SPRING1: variants seen among roughly 807,000 people sequenced by gnomAD.
SPRING1 encodes SREBP regulating gene protein.
Under a neutral mutation model 24.7 loss-of-function variants are expected in SPRING1, and 14 were observed. The ratio of observed to expected loss-of-function variants is 0.57; its 90% CI spans 0.37 to 0.88. The LOEUF (loss-of-function observed/expected upper bound fraction) is 0.88, where lower values mean the gene tolerates loss of function less well. SPRING1 is among the 40% of genes least tolerant of loss of function. The pLI is 0.00. For missense variants in SPRING1, 255 were observed against 268.4 expected, an observed-to-expected ratio of 0.95 and a Z score of 0.35; for synonymous variants, 93 against 106.1, an observed-to-expected ratio of 0.88 and a Z score of 0.76.
At chr12:116,735,629 G>A (rs1237930922) in intron 1 of SPRING1, among the ~76,000 whole-genome samples, 2 of 150,870 alleles carry the variant, frequency 1.3e-5, no homozygotes, top group Non-Finnish European at 3.0e-5. Flanking sequence ...CTACTCAGGA[G>A]GCTAAGGCAG....
chr12:116,737,624 G>A (rs1369470472), intron 1 of SPRING1, among the ~76,000 whole-genome samples, 166 bp downstream of exon 1: 1 of 148,192 alleles, frequency 6.7e-6, no homozygotes, highest in African/African-American at 2.5e-5. Context: ...AAGAAGGGAA[G>A]GAAGGAGGAA....
intron 1 of SPRING1, 90 bp downstream of exon 1, chr12:116,737,700 G>A (rs1023070197): frequency 1.5e-5 from 20 of 1,325,012 alleles, no homozygotes; most frequent in East Asian, 3.2e-5. Context: ...AAAAAAGGAG[G>A]AAGGTAACGA....
In SPRING1 at chr12:116,716,531, T is replaced by C. The variant is rs951705585; in HGVS notation, c.*1279A>G. The C allele has an allele frequency of 6.5e-6, 1 of 152,680 alleles. No homozygotes were observed. Among genetic ancestry groups the C allele is most frequent in the African/African-American group, 2.4e-5 (1 of 41,468 alleles). 9.5% of individuals were successfully genotyped at this position (152,680 alleles called of 1,614,324 possible). ...GAGCAGTACTATTCGAAGGGCATGA[T>C]GTCTTGATCTTAGGATCAAATATTC... On this transcript the variant is annotated 3_prime_UTR_variant, in exon 5 of 5. Transcript: ENST00000261318.
intron 1 of SPRING1, among the ~76,000 whole-genome samples, chr12:116,735,318 G>A (rs1242508685): frequency 6.6e-6 from 1 of 152,192 alleles, no homozygotes; most frequent in African/African-American, 2.4e-5. Context: ...GAGAAATGGA[G>A]AGTTATTGTT....
intron 1 of SPRING1, among the ~76,000 whole-genome samples, chr12:116,729,809 GA>G (rs1391624290): frequency 1.3e-5 from 2 of 152,242 alleles, no homozygotes; most frequent in East Asian, 3.8e-4. Flanking sequence ...GCTTAGGACT[GA>G]GGGGCAGGGG....
chr12:116,726,350 G>C (rs1362728513), intron 1 of SPRING1, among the ~76,000 whole-genome samples: 4 of 152,184 alleles, frequency 2.6e-5, no homozygotes, highest in Non-Finnish European at 5.9e-5. Flanking sequence ...ACCTGTAATA[G>C]TACCAGCATT....
chr12:116,723,928 G>A (rs914537894), intron 1 of SPRING1, among the ~76,000 whole-genome samples: 3 of 152,030 alleles, frequency 2.0e-5, no homozygotes, highest in African/African-American at 4.8e-5. Context: ...AGCTATGTCC[G>A]CTAGGAGCCA....
At chr12:116,725,488 T>C (rs339449) in intron 1 of SPRING1, among the ~76,000 whole-genome samples, 134,772 of 152,226 alleles carry the variant, frequency 0.89, 59,866 homozygotes, top group East Asian at 0.99. Context: ...CTTTAATCAT[T>C]TTGGGAATAT....
intron 1 of SPRING1, among the ~76,000 whole-genome samples, chr12:116,726,933 G>C (rs1346143178): frequency 1.3e-5 from 2 of 152,186 alleles, no homozygotes; most frequent in African/African-American, 4.8e-5. Context: ...AATTCTCCCA[G>C]CACTTCAATG....
chr12:116,725,656 C>T (rs1005942022), intron 1 of SPRING1, among the ~76,000 whole-genome samples: 4 of 152,138 alleles, frequency 2.6e-5, no homozygotes, highest in East Asian at 1.9e-4. Flanking sequence ...GAGGCCAAGG[C>T]GGGCGGATCA....
rs1870186663 is a variant in SPRING1, at chr12:116,717,286, G to A, written c.*524C>T. The stretch of plus-strand genomic sequence containing the variant: ...AAAGAGAAAATGTTGTATCTGGGTG[G>A]AAGAATGATTTAACTCCTGAAACTC... On this transcript the variant is annotated 3_prime_UTR_variant, in exon 5 of 5. Transcript: ENST00000261318. This position sits in a 1 kb window ranked among gnomAD's most constrained non-coding sequence, Gnocchi z 4.2. 1 of 152,258 alleles carries A rather than the reference G, an allele frequency of 6.6e-6. No individual in the cohort carries two copies. Among genetic ancestry groups the A allele is most frequent in the Non-Finnish European group, 1.5e-5 (1 of 68,100 alleles). 9.4% of individuals were successfully genotyped at this position (152,258 alleles called of 1,614,324 possible).
At chr12:116,718,445 T>G (rs1323246960) in intron 4 of SPRING1, among the ~76,000 whole-genome samples, 1 of 152,266 alleles carries the variant, frequency 6.6e-6, no homozygotes, top group African/African-American at 2.4e-5. Flanking sequence ...GGCTAATTTT[T>G]CAGCAATTTG....
chr12:116,720,418 C>T lies in SPRING1; in HGVS notation c.298G>A (p.Val100Ile). 2.5e-6 allele frequency: 4 copies of T among 1,614,156 alleles called. No individual in the cohort carries two copies. The highest frequency in any genetic ancestry group is 3.4e-6 in the Non-Finnish European group (4 of 1,180,014). Residue 100 changes from valine (V) to isoleucine (I), a missense_variant, in exon 3 of 5, where the codon GTA becomes ATA. By Grantham distance (29) the Val-to-Ile change is conservative. Coordinates refer to ENST00000261318, the MANE Select transcript of SPRING1 (RefSeq NM_024738.4). The surrounding 1 kb of genome is among the most constrained non-coding windows in gnomAD (Gnocchi z 4.0). ...GYVCERKDLL[V>I]NGCCNVNVPS... is the part of the protein sequence containing the mutation. ...ACGTTGACATTACAGCAGCCATTTA[C>T]CAGCAAATCCTTCCTCTCGCAAACG...
Position 116,717,856 on chromosome 12 carries a change from G to A in SPRING1, c.572C>T (p.Ala191Val). The A allele has an allele frequency of 6.2e-7, 1 of 1,608,784 alleles. No individual in the cohort carries two copies. Residue 191 changes from alanine (A) to valine (V), a missense_variant, in exon 5 of 5, where the codon GCA becomes GTA. Coordinates refer to ENST00000261318, the MANE Select transcript of SPRING1 (RefSeq NM_024738.4). This position sits in a 1 kb window ranked among gnomAD's most constrained non-coding sequence, Gnocchi z 4.2. ...QHENTYRDPI[A>V]KYCYGESPPE... ...CGGGCTTTCTCCATAGCAATACTTT[G>A]CTATGGGGTCCCGGTAGGTGTTCTC...
At position 116,723,139 on chromosome 12, in the gene SPRING1, C is replaced by T. The variant is rs776540999; in HGVS notation, c.196G>A (p.Gly66Ser). Residue 66 changes from glycine to serine, a missense_variant, in exon 2 of 5, where the codon GGC becomes AGC. Physicochemically the swap from Gly to Ser is moderately conservative, Grantham distance 56. Transcript: ENST00000261318. The part of the protein sequence containing the change: ...PIPWKVQFNL[G>S]NSSRPSNQCR... ...TGATTGCTCGGACGACTGCTATTGCCCAAGTTAAACTGCACTTTCCACGGG... is the reference window on the plus strand; with the variant it reads ...TGATTGCTCGGACGACTGCTATTGCTCAAGTTAAACTGCACTTTCCACGGG... 1.9e-6 allele frequency: 3 copies of T among 1,613,486 alleles called. No homozygotes were observed. Among genetic ancestry groups the T allele is most frequent in the Non-Finnish European group, 1.7e-6 (2 of 1,180,042 alleles).
At chr12:116,718,942 G>A (rs995345446) in intron 4 of SPRING1, among the ~76,000 whole-genome samples, 1 of 152,214 alleles carries the variant, frequency 6.6e-6, no homozygotes, top group African/African-American at 2.4e-5. Context: ...CCAGAGACAT[G>A]AGAAGGGGCA....
chr12:116,731,912 G>A (rs1037186950), intron 1 of SPRING1, among the ~76,000 whole-genome samples: 10 of 152,280 alleles, frequency 6.6e-5, no homozygotes, highest in Admixed American at 5.9e-4. Context: ...CTCAGCACAT[G>A]TCCTCCACGG....
rs765410491 is a variant in SPRING1 at position 116,738,042 on chromosome 12, G to T, written c.-142C>A. On this transcript the variant is annotated 5_prime_UTR_variant, in exon 1 of 5. Transcript: ENST00000261318. Reference sequence around the variant, plus strand: ...GCCGCCCGCAGCCCAGTCTGCTCCCGGCAGCCTTGGGCGCAGCCCCACGTG... The same window carrying T: ...GCCGCCCGCAGCCCAGTCTGCTCCCTGCAGCCTTGGGCGCAGCCCCACGTG... 5 of 1,091,808 alleles carry T rather than the reference G, an allele frequency of 4.6e-6. No homozygotes were observed. In the South Asian group the frequency reaches 1.8e-4, roughly 38 times the overall value. The allele number at this position is 1,091,808 out of a possible 1,614,324, so 67.6% of individuals were successfully genotyped here. A position where few individuals can be genotyped will look rare whatever the true frequency, so the allele number is the denominator to read the frequency against.
intron 1 of SPRING1, 108 bp from the exon 2 acceptor site, chr12:116,723,331 C>T (rs1870535109): frequency 7.7e-7 from 1 of 1,302,360 alleles, no homozygotes; most frequent in African/African-American, 1.5e-5. Flanking sequence ...CTATAAAAGG[C>T]TTACACTACC....
Sources: allele counts gnomAD v4.1 joint callset (sites outside exome capture counted in the v4.1 genomes callset), GRCh38; gene constraint gnomAD v4.1.1; non-coding constraint Gnocchi (gnomAD v3.1); transcripts MANE v1.5; gene names NCBI Gene and HGNC (gene_info 2026-07-23, HGNC 2026-07-21).